Variants in HS6ST3 observed in about 807,000 individuals in gnomAD.
HS6ST3 encodes heparan-sulfate 6-O-sulfotransferase 3.
A neutral mutation model predicts 36.7 loss-of-function variants in HS6ST3; 12 were observed. That is an observed-to-expected ratio of 0.33 (90% CI 0.21 to 0.53). The LOEUF is 0.53. HS6ST3 is among the 20% of genes least tolerant of loss of function. The pLI is 0.95. For missense variants in HS6ST3, 584 were observed against 640.9 expected, an observed-to-expected ratio of 0.91 and a Z score of 0.96; for synonymous variants, 240 against 257.5, an observed-to-expected ratio of 0.93 and a Z score of 0.65.
rs542260320 is a variant in HS6ST3 at position 96,662,765 on chromosome 13, A to C, written c.708-169725A>C. ...AGAAGCTATCATTTTTTAATTTTGA[A>C]TTTTCTTTGCTTTGGATGGGATGTT... On this transcript the variant is annotated intron_variant, in intron 1 of 1. Transcript: ENST00000376705. 2.6e-5 allele frequency among the ~76,000 whole-genome samples: 4 copies of C among 151,348 alleles called. No homozygotes were observed. In the South Asian group the frequency reaches 6.3e-4, roughly 24 times the overall value.
chr13:96,419,449 G>A (rs1228245560), intron 1 of HS6ST3, among the ~76,000 whole-genome samples: 3 of 152,160 alleles, frequency 2.0e-5, no homozygotes, highest in Admixed American at 1.3e-4. Context: ...AAAGGCATCA[G>A]GTCTGTTTGG....
intron 1 of HS6ST3, among the ~76,000 whole-genome samples, chr13:96,531,654 T>A (rs1413495394): frequency 1.3e-5 from 2 of 152,232 alleles, no homozygotes; most frequent in Non-Finnish European, 2.9e-5. Context: ...GGAGGTTTTA[T>A]TTGCCTTACC....
intron 1 of HS6ST3, among the ~76,000 whole-genome samples, chr13:96,572,851 G>C (rs992722955): frequency 6.6e-6 from 1 of 152,162 alleles, no homozygotes; most frequent in Non-Finnish European, 1.5e-5. Context: ...AAGTGTCCCA[G>C]TGAACTATAC....
intron 1 of HS6ST3, among the ~76,000 whole-genome samples, chr13:96,831,954 CA>C (rs35266831): frequency 8.5e-3 from 184 of 21,732 alleles, no homozygotes; most frequent in South Asian, 0.015. Flanking sequence ...GACTCCCTCT[CA>C]AAAAAAAAAA....
At chr13:96,548,906 A>C (rs1004259145) in intron 1 of HS6ST3, among the ~76,000 whole-genome samples, 3 of 152,202 alleles carry the variant, frequency 2.0e-5, no homozygotes, top group Non-Finnish European at 4.4e-5. Flanking sequence ...ACTCTTGTGG[A>C]AGTATACAGA....
At chr13:96,707,383 A>G (rs554379981) in intron 1 of HS6ST3, among the ~76,000 whole-genome samples, 18 of 152,182 alleles carry the variant, frequency 1.2e-4, no homozygotes, top group Non-Finnish European at 1.9e-4. Context: ...TGAGAAATAA[A>G]TGTTGTTGCT....
chr13:96,573,703 G>T (rs1054778971), intron 1 of HS6ST3: 3 of 290,482 alleles, frequency 1.0e-5, no homozygotes. Flanking sequence ...AAATTATCTG[G>T]AAGTGAAACA....
chr13:96,651,287 T>C (rs1385270730), intron 1 of HS6ST3, among the ~76,000 whole-genome samples: 1 of 152,116 alleles, frequency 6.6e-6, no homozygotes, highest in East Asian at 1.9e-4. Context: ...ATCCTCTTTT[T>C]CTGGGATGTT....
At chr13:96,274,816 C>T (rs988501678) in intron 1 of HS6ST3, among the ~76,000 whole-genome samples, 3 of 148,290 alleles carry the variant, frequency 2.0e-5, no homozygotes, top group Non-Finnish European at 4.5e-5. Context: ...ATTCCATTAT[C>T]AGTGATTAGC....
At chr13:96,253,009 G>A (rs1340491948) in intron 1 of HS6ST3, among the ~76,000 whole-genome samples, 1 of 152,102 alleles carries the variant, frequency 6.6e-6, no homozygotes, top group East Asian at 1.9e-4. Flanking sequence ...AACAACGCAA[G>A]AACGACCTAA....
At chr13:96,670,677 A>G (rs1453976273) in intron 1 of HS6ST3, among the ~76,000 whole-genome samples, 1 of 152,174 alleles carries the variant, frequency 6.6e-6, no homozygotes, top group Non-Finnish European at 1.5e-5. Flanking sequence ...TAGAGATTTA[A>G]TCAAATAAAA....
At chr13:96,268,976 A>G (rs926587341) in intron 1 of HS6ST3, among the ~76,000 whole-genome samples, 4 of 152,048 alleles carry the variant, frequency 2.6e-5, no homozygotes, top group African/African-American at 9.7e-5. Context: ...AAATAAAAGT[A>G]TCCCATGAAC....
At chr13:96,577,584 GA>G (rs2056326471) in intron 1 of HS6ST3, among the ~76,000 whole-genome samples, 2 of 152,068 alleles carry the variant, frequency 1.3e-5, no homozygotes, top group African/African-American at 2.4e-5. Context: ...GATTCTTGAG[GA>G]ATCGCCTATC....
chr13:96,151,698 T>C (rs1375117998), intron 1 of HS6ST3, among the ~76,000 whole-genome samples: 1 of 152,214 alleles, frequency 6.6e-6, no homozygotes, highest in Non-Finnish European at 1.5e-5. Flanking sequence ...GGCAGGGCCA[T>C]GTGCCTCTGA....
At chr13:96,127,118 C>T (rs112195651) in intron 1 of HS6ST3, among the ~76,000 whole-genome samples, 1 of 152,166 alleles carries the variant, frequency 6.6e-6, no homozygotes, top group African/African-American at 2.4e-5. Context: ...CAAAATTCAT[C>T]TGTTGAAGCC....
chr13:96,388,972 GA>G (rs2055382288), intron 1 of HS6ST3, among the ~76,000 whole-genome samples: 1 of 152,104 alleles, frequency 6.6e-6, no homozygotes, highest in African/African-American at 2.4e-5. Context: ...TGTGAGAATG[GA>G]CATACACTAC....
intron 1 of HS6ST3, among the ~76,000 whole-genome samples, chr13:96,769,119 C>T (rs1246227817): frequency 6.6e-6 from 1 of 152,042 alleles, no homozygotes; most frequent in Non-Finnish European, 1.5e-5. Flanking sequence ...TGCCCCACCT[C>T]CCCACCAAAC....
chr13:96,539,617 AGTGCTGGGATTAC>A (rs1370137365), intron 1 of HS6ST3, among the ~76,000 whole-genome samples: 1 of 152,140 alleles, frequency 6.6e-6, no homozygotes, highest in African/African-American at 2.4e-5. Context: ...AGCCTCCCAA[AGTGCTGGGATTAC>A]ATGCGTGAGC....
intron 1 of HS6ST3, among the ~76,000 whole-genome samples, chr13:96,185,042 T>C (rs11840837): frequency 6.6e-6 from 1 of 152,218 alleles, no homozygotes; most frequent in Non-Finnish European, 1.5e-5. Flanking sequence ...GAATTCATCA[T>C]GACATTGTAA....
Sources: gnomAD v4.1 joint callset for allele counts (sites outside exome capture counted in the v4.1 genomes callset) on GRCh38, gnomAD v4.1.1 for gene constraint, MANE v1.5 for transcripts, NCBI Gene and HGNC (gene_info 2026-07-23, HGNC 2026-07-21) for gene names.